The following KIRREL3 variants were observed in gnomAD, a reference collection of about 807,000 sequenced individuals.
KIRREL3 encodes kirre like nephrin family adhesion molecule 3.
In KIRREL3, 36 loss-of-function variants were observed where a neutral mutation model predicts 89.7. The observed-to-expected ratio is 0.40, with a 90% CI of 0.31 to 0.53. KIRREL3 has a LOEUF of 0.53. Among genes scored for constraint, KIRREL3 ranks in the 20% least tolerant of loss-of-function variants. The pLI, the probability that KIRREL3 is intolerant of heterozygous loss-of-function variation, is 0.49. For missense variants in KIRREL3, 864 were observed against 1,056.6 expected (o/e 0.82, Z 2.53); for synonymous variants, 445 against 441.4 (o/e 1.01, Z -0.10).
At chr11:126,882,008 G>T (rs1366320985) in intron 1 of KIRREL3, among the ~76,000 whole-genome samples, 1 of 152,058 alleles carries the variant, frequency 6.6e-6, no homozygotes. Context: ...CGTATATATG[G>T]GTGTGTGTGT....
rs527779379 is a variant in KIRREL3, at chr11:126,971,969, T to A, written c.55+28486A>T. On this transcript the variant is annotated intron_variant, in intron 1 of 16. Transcript: ENST00000525144. ...TAGTGTTTGTGAATTTACATGGCCCTTTATCCAATTCATAACTATAAACCC... is the reference window on the plus strand; with the variant it reads ...TAGTGTTTGTGAATTTACATGGCCCATTATCCAATTCATAACTATAAACCC... Among the ~76,000 whole-genome samples, 39 of 152,266 alleles carry A rather than the reference T, an allele frequency of 2.6e-4. 1 individual carries two copies. In the South Asian group the frequency reaches 8.1e-3, roughly 32 times the overall value.
Position 126,763,704 on chromosome 11 carries a change from G to A in KIRREL3, c.56-200792C>T, listed in dbSNP as rs2134275808. ...CTTCAATGAGTTCCCACGCTTTTGA[G>A]CCTTTGTTTTCTCACTTGTGAAATG... On this transcript the variant is annotated intron_variant, in intron 1 of 16. Transcript: ENST00000525144. The surrounding 1 kb of genome is among the most constrained non-coding windows in gnomAD (Gnocchi z 4.7). Among the ~76,000 whole-genome samples, 1 of 152,274 alleles carries A rather than the reference G, an allele frequency of 6.6e-6. No individual in the cohort carries two copies. Among genetic ancestry groups the A allele is most frequent in the East Asian group, 1.9e-4 (1 of 5,184 alleles).
At chr11:126,829,817 T>A (rs1312537998) in intron 1 of KIRREL3, among the ~76,000 whole-genome samples, 4 of 152,190 alleles carry the variant, frequency 2.6e-5, no homozygotes, top group Admixed American at 2.6e-4. Context: ...CAAACTCTGA[T>A]TAAATGCTAA....
rs1951162469 is a variant in KIRREL3, at chr11:126,805,059, G to A, written c.55+195396C>T. ...GAGCACAGTTCATAGGGTCTGAGGA[G>A]TTTTAGCAGGTGTGTGGTAACCTGC... On this transcript the variant is annotated intron_variant, in intron 1 of 16. Coordinates refer to ENST00000525144, the MANE Select transcript of KIRREL3 (RefSeq NM_032531.4). The surrounding 1 kb of genome is among the most constrained non-coding windows in gnomAD (Gnocchi z 4.3). Among the ~76,000 whole-genome samples, 1 of 152,214 alleles carries A rather than the reference G, an allele frequency of 6.6e-6. No individual in the cohort carries two copies. Among genetic ancestry groups the A allele is most frequent in the Non-Finnish European group, 1.5e-5 (1 of 68,034 alleles).
rs767218161 is a variant in KIRREL3, at chr11:126,890,777, C to G, written c.55+109678G>C. Among the ~76,000 whole-genome samples the G allele has an allele frequency of 3.1e-4, 47 of 152,364 alleles. No homozygotes were observed. The highest frequency in any genetic ancestry group is 1.0e-3 in the African/African-American group (42 of 41,584). ...AAACATGAGCGTCCCCCAGTCCCAG[C>G]ACCACAGCGGCCTGCCTGTGCCCAG... On this transcript the variant is annotated intron_variant, in intron 1 of 16. Coordinates refer to ENST00000525144, the MANE Select transcript of KIRREL3 (RefSeq NM_032531.4). The surrounding 1 kb of genome is among the most constrained non-coding windows in gnomAD (Gnocchi z 5.1).
rs1233040663 is a variant in KIRREL3, at chr11:126,575,159, A to T, written c.56-12247T>A. Among the ~76,000 whole-genome samples the T allele has an allele frequency of 1.3e-5, 2 of 152,228 alleles. No individual in the cohort carries two copies. The highest frequency in any genetic ancestry group is 2.9e-5 in the Non-Finnish European group (2 of 68,040). On this transcript the variant is annotated intron_variant, in intron 1 of 16. Coordinates refer to ENST00000525144, the MANE Select transcript of KIRREL3 (RefSeq NM_032531.4). This position sits in a 1 kb window ranked among gnomAD's most constrained non-coding sequence, Gnocchi z 7.0. ...ACACAGTGAGGGAGCCTGGTTTAAA[A>T]AAAAGAGGCTTAAGCTAAGAAGCCC...
In KIRREL3 at chr11:126,805,500, C is replaced by T. The variant is rs971219791; in HGVS notation, c.55+194955G>A. On this transcript the variant is annotated intron_variant, in intron 1 of 16. Transcript: ENST00000525144. The surrounding 1 kb of genome is among the most constrained non-coding windows in gnomAD (Gnocchi z 4.3). ...CTGAACCCCAAGGTTCAGTCAGGTG[C>T]GCTGTCCCATCACAGGAAAAGAAAC... is the stretch of plus-strand genomic sequence containing the variant. 1.1e-4 allele frequency among the ~76,000 whole-genome samples: 16 copies of T among 152,252 alleles called. No individual in the cohort carries two copies. Among genetic ancestry groups the T allele is most frequent in the African/African-American group, 2.2e-4 (9 of 41,552 alleles).
intron 1 of KIRREL3, among the ~76,000 whole-genome samples, chr11:126,932,172 C>T (rs372359947): frequency 6.6e-6 from 1 of 152,180 alleles, no homozygotes; most frequent in Non-Finnish European, 1.5e-5. Flanking sequence ...TCTCAAACAG[C>T]CTCTCGCCTG....
intron 1 of KIRREL3, among the ~76,000 whole-genome samples, chr11:126,693,083 C>A (rs1401892453): frequency 1.3e-5 from 2 of 152,198 alleles, no homozygotes; most frequent in Non-Finnish European, 2.9e-5. Flanking sequence ...CTCTAGGTGA[C>A]CCTCCAGGTG....
chr11:126,826,491 C>T (rs1466647387), intron 1 of KIRREL3, among the ~76,000 whole-genome samples: 1 of 152,146 alleles, frequency 6.6e-6, no homozygotes, highest in Non-Finnish European at 1.5e-5. Context: ...CATTCTTTCT[C>T]TCCTGTGAAC....
chr11:126,584,059 A>G lies in KIRREL3; in HGVS notation c.56-21147T>C, dbSNP rs183161165. The stretch of plus-strand genomic sequence containing the variant: ...ACGTAGCTGACATTCAGCGTGCACA[A>G]TCTGGTGGCTGCCCCTCAGGACTTC... On this transcript the variant is annotated intron_variant, in intron 1 of 16. Transcript: ENST00000525144. 3.9e-5 allele frequency among the ~76,000 whole-genome samples: 6 copies of G among 152,318 alleles called. No homozygotes were observed. The East Asian group carries it at 5.8e-4, about 15-fold the overall frequency.
At chr11:126,542,364 T>C (rs1002232222) in intron 2 of KIRREL3, among the ~76,000 whole-genome samples, 1 of 152,164 alleles carries the variant, frequency 6.6e-6, no homozygotes, top group Non-Finnish European at 1.5e-5. Flanking sequence ...TAATTATCTT[T>C]GTTAGTGGAG....
intron 1 of KIRREL3, among the ~76,000 whole-genome samples, chr11:126,654,426 G>A (rs2134984514): frequency 6.6e-6 from 1 of 151,182 alleles, no homozygotes; most frequent in South Asian, 2.1e-4. Context: ...CCTACCTCCA[G>A]GCATCTGCCT....
At chr11:126,644,610 G>T (rs978959883) in intron 1 of KIRREL3, among the ~76,000 whole-genome samples, 5 of 152,156 alleles carry the variant, frequency 3.3e-5, no homozygotes, top group Non-Finnish European at 2.9e-5. Flanking sequence ...AAATCCTAGA[G>T]GAAGATGGAG....
In KIRREL3 at chr11:126,764,184, C is replaced by T. The variant is rs1204337465; in HGVS notation, c.56-201272G>A. Among the ~76,000 whole-genome samples the T allele has an allele frequency of 6.6e-6, 1 of 152,174 alleles. No homozygotes were observed. Among genetic ancestry groups the T allele is most frequent in the African/African-American group, 2.4e-5 (1 of 41,434 alleles). ...ACCCACTCACCCACATACCCTGGGGCAAAATGAAACATAACTCAGTTTTTC... is the reference window on the plus strand; with the variant it reads ...ACCCACTCACCCACATACCCTGGGGTAAAATGAAACATAACTCAGTTTTTC... On this transcript the variant is annotated intron_variant, in intron 1 of 16. Coordinates refer to ENST00000525144, the MANE Select transcript of KIRREL3 (RefSeq NM_032531.4). This position sits in a 1 kb window ranked among gnomAD's most constrained non-coding sequence, Gnocchi z 4.2.
Position 126,746,332 on chromosome 11 carries a change from G to A in KIRREL3, c.56-183420C>T, listed in dbSNP as rs901136610. The stretch of plus-strand genomic sequence containing the variant: ...AATACAACAAAGTGTGATATGTATT[G>A]TGCAAGGTGTCATGGAAGTGCAGAG... On this transcript the variant is annotated intron_variant, in intron 1 of 16. Coordinates refer to ENST00000525144, the MANE Select transcript of KIRREL3 (RefSeq NM_032531.4). Among the ~76,000 whole-genome samples the A allele has an allele frequency of 5.3e-5, 8 of 152,292 alleles. No individual in the cohort carries two copies. The East Asian group carries it at 1.5e-3, about 29-fold the overall frequency.
intron 1 of KIRREL3, among the ~76,000 whole-genome samples, chr11:126,658,978 C>T (rs1216475688): frequency 6.6e-6 from 1 of 152,204 alleles, no homozygotes; most frequent in Non-Finnish European, 1.5e-5. Context: ...GGACCTAACC[C>T]TTCTATCTCA....
At position 126,648,165 on chromosome 11, in the gene KIRREL3, C is replaced by T. The variant is rs181371796; in HGVS notation, c.56-85253G>A. Among the ~76,000 whole-genome samples the T allele has an allele frequency of 2.7e-3, 406 of 152,322 alleles. 5 individuals carry two copies. Among genetic ancestry groups the T allele is most frequent in the Admixed American group, 0.022 (343 of 15,306 alleles). The stretch of plus-strand genomic sequence containing the variant: ...GGCCATCTAATATGGGCCTACTTCC[C>T]CTTTGCCTTCCACCATGATTGTAAG... On this transcript the variant is annotated intron_variant, in intron 1 of 16. Coordinates refer to ENST00000525144, the MANE Select transcript of KIRREL3 (RefSeq NM_032531.4).
At chr11:126,916,170 G>A (rs1947029156) in intron 1 of KIRREL3, among the ~76,000 whole-genome samples, 1 of 152,298 alleles carries the variant, frequency 6.6e-6, no homozygotes, top group South Asian at 2.1e-4. Flanking sequence ...TTATAAAGCA[G>A]ATGAGCCCAG....
Sources: allele counts gnomAD v4.1 joint callset (sites outside exome capture counted in the v4.1 genomes callset), GRCh38; gene constraint gnomAD v4.1.1; non-coding constraint Gnocchi (gnomAD v3.1); transcripts MANE v1.5; gene names NCBI Gene and HGNC (gene_info 2026-07-23, HGNC 2026-07-21).